Variants in ADAT2 observed in about 807,000 individuals in gnomAD.
ADAT2 encodes tRNA-specific adenosine-34 deaminase catalytic subunit ADAT2.
ADAT2 carries 26 observed loss-of-function variants against 25.9 expected under a neutral mutation model. The ratio of observed to expected loss-of-function variants is 1.00; its 90% CI spans 0.74 to 1.39. The LOEUF (loss-of-function observed/expected upper bound fraction) is 1.39. Ranked by LOEUF, ADAT2 falls within the 40% of genes most tolerant of loss-of-function variation. The pLI, the probability that ADAT2 is intolerant of heterozygous loss-of-function variation, is 0.00. For missense variants in ADAT2, 220 were observed against 244.8 expected, an observed-to-expected ratio of 0.90 and a Z score of 0.68; for synonymous variants, 76 against 86.8, an observed-to-expected ratio of 0.88 and a Z score of 0.69.
chr6:143,438,790 C>T (rs913598898), intron 1 of ADAT2, 96 bp from the exon 2 acceptor site: 27 of 1,001,546 alleles, frequency 2.7e-5, no homozygotes, highest in South Asian at 1.4e-5. Flanking sequence ...TACACATGTA[C>T]AAAGACTGAA....
chr6:143,432,485 G>A lies in ADAT2; in HGVS notation c.459+20C>T. 6.3e-7 allele frequency: 1 copy of A among 1,597,182 alleles called. No homozygotes were observed. On this transcript the variant is annotated intron_variant, in intron 4 of 5. Transcript: ENST00000237283. This position sits in a 1 kb window ranked among gnomAD's most constrained non-coding sequence, Gnocchi z 4.4. ...GAAAATAATTAGCAAGAAAGAAAAA[G>A]CATAAGCAGTTTGTATTACCTGAAA...
Position 143,436,592 on chromosome 6 carries a change from A to T in ADAT2, c.201+1998T>A, listed in dbSNP as rs1779290305. The T allele has an allele frequency of 2.4e-6, 1 of 413,480 alleles. No individual in the cohort carries two copies. Among genetic ancestry groups the T allele is most frequent in the Admixed American group, 2.3e-5 (1 of 42,716 alleles). The allele number at this position is 413,480 out of a possible 1,614,324, so 25.6% of individuals were successfully genotyped here. On this transcript the variant is annotated intron_variant, in intron 2 of 5. Coordinates refer to ENST00000237283, the MANE Select transcript of ADAT2 (RefSeq NM_182503.3). This position sits in a 1 kb window ranked among gnomAD's most constrained non-coding sequence, Gnocchi z 4.1. Reference sequence around the variant, plus strand: ...ATGGGCGAGGGCAAGAATGAGATGGAATTCACTGGGGCCGAGAGCAACATG... The same window carrying T: ...ATGGGCGAGGGCAAGAATGAGATGGTATTCACTGGGGCCGAGAGCAACATG...
chr6:143,438,564 G>T (rs1562641365), intron 2 of ADAT2, 26 bp downstream of exon 2: 1 of 1,560,234 alleles, frequency 6.4e-7, no homozygotes, highest in Non-Finnish European at 8.8e-7. Flanking sequence ...CTGTATGTTT[G>T]CAATTATACT....
In ADAT2 at chr6:143,440,251, T is replaced by TA. The variant is rs908579580; in HGVS notation, c.97-1558dup. On this transcript the variant is annotated intron_variant, in intron 1 of 5. Coordinates refer to ENST00000237283, the MANE Select transcript of ADAT2 (RefSeq NM_182503.3). The surrounding 1 kb of genome is among the most constrained non-coding windows in gnomAD (Gnocchi z 4.5). ...TGATTCTCACTTAAGTGCAGGTACT[T>TA]ACACACATCATAGGGCATATAAAGT... Among the ~76,000 whole-genome samples the TA allele has an allele frequency of 1.3e-5, 2 of 152,304 alleles. No individual in the cohort carries two copies. Among genetic ancestry groups the TA allele is most frequent in the East Asian group, 3.9e-4 (2 of 5,180 alleles).
rs1489040314 is a variant in ADAT2 at position 143,446,481 on chromosome 6, G to A, written c.96+4082C>T. Among the ~76,000 whole-genome samples, 1 of 152,000 alleles carries A rather than the reference G, an allele frequency of 6.6e-6. No individual in the cohort carries two copies. Among genetic ancestry groups the A allele is most frequent in the Admixed American group, 6.6e-5 (1 of 15,254 alleles). On this transcript the variant is annotated intron_variant, in intron 1 of 5. Coordinates refer to ENST00000237283, the MANE Select transcript of ADAT2 (RefSeq NM_182503.3). The surrounding 1 kb of genome is among the most constrained non-coding windows in gnomAD (Gnocchi z 5.0). ...TTGTGATTTATTCCTAGAAACAGCTGTAAAATACAAAGAGCTCCTACAGTG... is the reference window on the plus strand; with the variant it reads ...TTGTGATTTATTCCTAGAAACAGCTATAAAATACAAAGAGCTCCTACAGTG...
intron 1 of ADAT2, among the ~76,000 whole-genome samples, chr6:143,445,535 T>G (rs557905332): frequency 5.9e-5 from 9 of 152,166 alleles, no homozygotes; most frequent in Non-Finnish European, 1.2e-4. Context: ...CCACATCCTT[T>G]TGGTCCCTTA....
intron 2 of ADAT2, among the ~76,000 whole-genome samples, chr6:143,438,092 T>G (rs1240728452): frequency 6.6e-6 from 1 of 152,214 alleles, no homozygotes; most frequent in Non-Finnish European, 1.5e-5. Context: ...TATATAATCC[T>G]CATACCTCCC....
At chr6:143,438,772 GAAC>G in intron 1 of ADAT2, 78 bp from the exon 2 acceptor site, 1 of 1,182,792 alleles carries the variant, frequency 8.5e-7, no homozygotes, top group Non-Finnish European at 1.3e-6. Flanking sequence ...GATGCAGCAT[GAAC>G]AAGATACACA....
At position 143,428,231 on chromosome 6, in the gene ADAT2, C is replaced by T; in HGVS notation, c.*232G>A. 2 of 571,728 alleles carry T rather than the reference C, an allele frequency of 3.5e-6. No homozygotes were observed. Among genetic ancestry groups the T allele is most frequent in the Non-Finnish European group, 6.1e-6 (2 of 326,046 alleles). The allele number at this position is 571,728 out of a possible 1,614,324, so 35.4% of individuals were successfully genotyped here. ...TTCTAAAACCTCAAACCTTAATTTT[C>T]CCCCATCTTAAAATGGGAATCAGCT... is the stretch of plus-strand genomic sequence containing the variant. On this transcript the variant is annotated 3_prime_UTR_variant, in exon 6 of 6. Coordinates refer to ENST00000237283, the MANE Select transcript of ADAT2 (RefSeq NM_182503.3). This position sits in a 1 kb window ranked among gnomAD's most constrained non-coding sequence, Gnocchi z 5.0.
Position 143,432,566 on chromosome 6 carries a change from C to A in ADAT2, c.398G>T (p.Gly133Val). Residue 133 changes from glycine (G) to valine (V), a missense_variant, in exon 4 of 6, where the codon GGT becomes GTT. Transcript: ENST00000237283. The surrounding 1 kb of genome is among the most constrained non-coding windows in gnomAD (Gnocchi z 4.4). ...GGCAATATTTAGAACAGAGCCACAA[C>A]CACCAAATCGTTCATTCTGACAGCC... ...VYGCQNERFG[G>V]CGSVLNIASA... 1.9e-6 allele frequency: 3 copies of A among 1,614,210 alleles called. No individual in the cohort carries two copies. The highest frequency in any genetic ancestry group is 2.5e-6 in the Non-Finnish European group (3 of 1,180,040).
At position 143,443,920 on chromosome 6, in the gene ADAT2, T is replaced by TC. The variant is rs543716704; in HGVS notation, c.97-5227dup. Among the ~76,000 whole-genome samples the TC allele has an allele frequency of 3.6e-3, 539 of 151,356 alleles. 6 individuals carry two copies. Among genetic ancestry groups the TC allele is most frequent in the African/African-American group, 0.012 (511 of 41,234 alleles). Reference sequence around the variant, plus strand: ...GATCAGGATTTTCTGTAAAAATATCTCCTGAAGAGCTCTACATTGGCTATG... The same window carrying TC: ...GATCAGGATTTTCTGTAAAAATATCTCCCTGAAGAGCTCTACATTGGCTATG... On this transcript the variant is annotated intron_variant, in intron 1 of 5. Coordinates refer to ENST00000237283, the MANE Select transcript of ADAT2 (RefSeq NM_182503.3).
At chr6:143,433,149 TAAAGTGTTA>T (rs1779166515) in intron 3 of ADAT2, among the ~76,000 whole-genome samples, 1 of 152,172 alleles carries the variant, frequency 6.6e-6, no homozygotes, top group Admixed American at 6.5e-5. Flanking sequence ...GTATTATTTT[TAAAGTGTTA>T]AAATTATCCA....
At chr6:143,438,839 C>T in intron 1 of ADAT2, 145 bp from the exon 2 acceptor site, 1 of 671,914 alleles carries the variant, frequency 1.5e-6, no homozygotes, top group Non-Finnish European at 2.5e-6. Context: ...GAATATAGTT[C>T]CATTACGGTA....
Position 143,442,476 on chromosome 6 carries a change from T to TACACACACACACACACACACAC in ADAT2, c.97-3804_97-3783dup, listed in dbSNP as rs35133336. Among the ~76,000 whole-genome samples, 33 of 142,232 alleles carry TACACACACACACACACACACAC rather than the reference T, an allele frequency of 2.3e-4. No individual in the cohort carries two copies. Among genetic ancestry groups the TACACACACACACACACACACAC allele is most frequent in the African/African-American group, 5.8e-4 (22 of 38,258 alleles). 93.3% of individuals were successfully genotyped at this position (142,232 alleles called of 152,430 possible). ...CATGACAAAATTGCATAGGCACGCATACACACACACACACACACACACACA... is the reference window on the plus strand; with the variant it reads ...CATGACAAAATTGCATAGGCACGCATACACACACACACACACACACACACACACACACACACACACACACACA... On this transcript the variant is annotated intron_variant, in intron 1 of 5. Coordinates refer to ENST00000237283, the MANE Select transcript of ADAT2 (RefSeq NM_182503.3). This position sits in a 1 kb window ranked among gnomAD's most constrained non-coding sequence, Gnocchi z 4.6.
chr6:143,440,793 A>G lies in ADAT2; in HGVS notation c.97-2099T>C, dbSNP rs1318473681. Reference sequence around the variant, plus strand: ...TACCAGTGTAGCTATGGCAATTATTATACTAAGAATTTTATTTAAGGTAAG... The same window carrying G: ...TACCAGTGTAGCTATGGCAATTATTGTACTAAGAATTTTATTTAAGGTAAG... On this transcript the variant is annotated intron_variant, in intron 1 of 5. Transcript: ENST00000237283. This position sits in a 1 kb window ranked among gnomAD's most constrained non-coding sequence, Gnocchi z 4.5. Among the ~76,000 whole-genome samples, 1 of 152,224 alleles carries G rather than the reference A, an allele frequency of 6.6e-6. No individual in the cohort carries two copies. Among genetic ancestry groups the G allele is most frequent in the Non-Finnish European group, 1.5e-5 (1 of 68,032 alleles).
At position 143,436,034 on chromosome 6, in the gene ADAT2, GTTAAAA is replaced by G. The variant is rs1779264977; in HGVS notation, c.202-2059_202-2054del. On this transcript the variant is annotated intron_variant, in intron 2 of 5. Coordinates refer to ENST00000237283, the MANE Select transcript of ADAT2 (RefSeq NM_182503.3). This position sits in a 1 kb window ranked among gnomAD's most constrained non-coding sequence, Gnocchi z 4.1. ...TTGTTTGAAATTATTGCACATGTGAGTTAAAATTAAAAGACTGTATATATTTGTATA... is the reference window on the plus strand; with the variant it reads ...TTGTTTGAAATTATTGCACATGTGAGTTAAAAGACTGTATATATTTGTATA... Among the ~76,000 whole-genome samples the G allele has an allele frequency of 6.6e-6, 1 of 152,050 alleles. No homozygotes were observed. The highest frequency in any genetic ancestry group is 6.6e-5 in the Admixed American group (1 of 15,262).
rs756056165 is a variant in ADAT2, at chr6:143,432,507, G to A, written c.457C>T (p.Gln153Ter). 6.2e-7 allele frequency: 1 copy of A among 1,613,304 alleles called. No homozygotes were observed. The highest frequency in any genetic ancestry group is 1.3e-5 in the African/African-American group (1 of 74,908). Reference sequence around the variant, plus strand: ...AAAGCATAAGCAGTTTGTATTACCTGAAATGGTCTCCCAGTGTTTGGTAGG... The same window carrying A: ...AAAGCATAAGCAGTTTGTATTACCTAAAATGGTCTCCCAGTGTTTGGTAGG... ...ADLPNTGRPF[Q>*]CIPGYRAEEA... Residue 153 changes from glutamine to a stop codon, truncating the protein, a stop_gained and splice_region_variant, in exon 4 of 6, where the codon CAG (glutamine) becomes TAG (stop). Transcript: ENST00000237283. LOFTEE classifies it high-confidence loss of function. The surrounding 1 kb of genome is among the most constrained non-coding windows in gnomAD (Gnocchi z 4.4).
chr6:143,432,396 G>T lies in ADAT2; in HGVS notation c.459+109C>A. The T allele has an allele frequency of 9.9e-7, 1 of 1,007,394 alleles. No individual in the cohort carries two copies. The highest frequency in any genetic ancestry group is 1.5e-6 in the Non-Finnish European group (1 of 663,268). The allele number at this position is 1,007,394 out of a possible 1,614,324, so 62.4% of individuals were successfully genotyped here. ...AGAGGCCCTGAGATCAAAGATGTCT[G>T]ATTCTATCATCGTTTCTTCGTATAC... On this transcript the variant is annotated intron_variant, in intron 4 of 5. Transcript: ENST00000237283. This position sits in a 1 kb window ranked among gnomAD's most constrained non-coding sequence, Gnocchi z 4.4.
rs375483272 is a variant in ADAT2 at position 143,432,661 on chromosome 6, C to T, written c.353-50G>A. The T allele has an allele frequency of 6.4e-5, 101 of 1,574,814 alleles. No individual in the cohort carries two copies. The South Asian group carries it at 1.0e-3, about 16-fold the overall frequency. On this transcript the variant is annotated intron_variant, in intron 3 of 5. Transcript: ENST00000237283. This position sits in a 1 kb window ranked among gnomAD's most constrained non-coding sequence, Gnocchi z 4.4. The stretch of plus-strand genomic sequence containing the variant: ...TAGAATGTACATTTCAAGTATGTAT[C>T]GTGACAAAATCAGAGTAGGTTTATA...
Sources: allele counts gnomAD v4.1 joint callset (sites outside exome capture counted in the v4.1 genomes callset), GRCh38; gene constraint gnomAD v4.1.1; non-coding constraint Gnocchi (gnomAD v3.1); transcripts MANE v1.5; gene names NCBI Gene and HGNC (gene_info 2026-07-23, HGNC 2026-07-21).